FGF1: variants seen among roughly 807,000 people sequenced by gnomAD.
The protein encoded by FGF1 is fibroblast growth factor 1.
A neutral mutation model predicts 13.4 loss-of-function variants in FGF1; 9 were observed. The observed-to-expected ratio is 0.67, with a 90% CI of 0.40 to 1.17. FGF1 has a LOEUF of 1.17. FGF1 is among the 50% of genes most tolerant of loss of function. FGF1 has a pLI of 0.01. For synonymous variants in FGF1, 93 were observed against 79.0 expected, an observed-to-expected ratio of 1.18 and a Z score of -0.94; for missense variants, 156 against 192.7, an observed-to-expected ratio of 0.81 and a Z score of 1.13.
At chr5:142,601,602 C>G (rs1158304019) in intron 2 of FGF1, among the ~76,000 whole-genome samples, 13 of 151,990 alleles carry the variant, frequency 8.6e-5, no homozygotes, top group African/African-American at 2.9e-4. Flanking sequence ...AAGACAGTTT[C>G]TGTTGTCACA....
At chr5:142,655,156 G>T (rs1767928147) in intron 1 of FGF1, among the ~76,000 whole-genome samples, 1 of 152,196 alleles carries the variant, frequency 6.6e-6, no homozygotes. Flanking sequence ...GGATTAACTT[G>T]GTTCAACGTG....
At chr5:142,608,770 A>C (rs1490676729) in intron 2 of FGF1, among the ~76,000 whole-genome samples, 1 of 131,192 alleles carries the variant, frequency 7.6e-6, no homozygotes, top group East Asian at 2.2e-4. Context: ...CATATATATC[A>C]TATATATATA....
intron 1 of FGF1, among the ~76,000 whole-genome samples, chr5:142,681,751 G>A (rs1390502267): frequency 6.6e-6 from 1 of 152,166 alleles, no homozygotes; most frequent in East Asian, 1.9e-4. Context: ...TCTGCCACTT[G>A]GTGGCTGTGT....
chr5:142,638,091 C>T (rs1429096682), intron 1 of FGF1, among the ~76,000 whole-genome samples: 2 of 152,002 alleles, frequency 1.3e-5, no homozygotes, highest in Non-Finnish European at 2.9e-5. Flanking sequence ...AGCTTTCATT[C>T]CAGTCATTTC....
intron 1 of FGF1, chr5:142,627,017 A>G (rs1277839394): frequency 6.6e-6 from 1 of 152,226 alleles, no homozygotes; most frequent in Admixed American, 6.5e-5. Context: ...CGTTGCCATG[A>G]GAAAGGAATA....
chr5:142,662,039 A>AC (rs1195074848), intron 1 of FGF1, among the ~76,000 whole-genome samples: 6 of 151,948 alleles, frequency 3.9e-5, no homozygotes, highest in East Asian at 3.9e-4. Flanking sequence ...ACAAAAAAAA[A>AC]CCCACATATT....
At chr5:142,655,351 A>C (rs1767975129) in intron 1 of FGF1, among the ~76,000 whole-genome samples, 1 of 152,046 alleles carries the variant, frequency 6.6e-6, no homozygotes, top group South Asian at 2.1e-4. Flanking sequence ...CTCCCAGCAC[A>C]CTCCCCACCA....
At chr5:142,643,942 T>C (rs539770599) in intron 1 of FGF1, among the ~76,000 whole-genome samples, 6 of 152,362 alleles carry the variant, frequency 3.9e-5, no homozygotes, top group African/African-American at 1.4e-4. Flanking sequence ...AGTTGGCTAT[T>C]ATCATTATCC....
intron 2 of FGF1, among the ~76,000 whole-genome samples, chr5:142,610,399 C>T (rs536209388): frequency 2.0e-5 from 3 of 152,266 alleles, no homozygotes; most frequent in East Asian, 3.9e-4. Context: ...ATTAAATAAT[C>T]GCACAAATAA....
In FGF1 at chr5:142,608,569, TATATATATATATATACAC is replaced by T. The variant is rs1429059888; in HGVS notation, c.169+5372_169+5389del. 8.0e-3 allele frequency among the ~76,000 whole-genome samples: 722 copies of T among 90,028 alleles called. 10 individuals carry two copies. Among genetic ancestry groups the T allele is most frequent in the African/African-American group, 0.038 (667 of 17,534 alleles). The allele number at this position is 90,028 out of a possible 152,430, so 59.1% of individuals were successfully genotyped here. On this transcript the variant is annotated intron_variant, in intron 2 of 3. Transcript: ENST00000337706. ...ATATATATATATATATATATATATA[TATATATATATATATACAC>T]ACACACACACATATATGTAAATATA...
rs78769659 is a variant in FGF1, at chr5:142,611,205, A to C, written c.169+2754T>G. 6.8e-3 allele frequency among the ~76,000 whole-genome samples: 1,028 copies of C among 152,230 alleles called. 24 individuals are homozygous for C. In the East Asian group the frequency reaches 0.098, roughly 15 times the overall value. On this transcript the variant is annotated intron_variant, in intron 2 of 3. Coordinates refer to ENST00000337706, the MANE Select transcript of FGF1 (RefSeq NM_000800.5). Reference sequence around the variant, plus strand: ...GCCGAGGCAATTCTGTTTCTGAATAACCCTTGAAACTCAGAAGGGCTCTGG... The same window carrying C: ...GCCGAGGCAATTCTGTTTCTGAATACCCCTTGAAACTCAGAAGGGCTCTGG...
At chr5:142,672,834 C>A (rs2152031679) in intron 1 of FGF1, among the ~76,000 whole-genome samples, 1 of 152,204 alleles carries the variant, frequency 6.6e-6, no homozygotes. Flanking sequence ...TAACTAGCAA[C>A]CAAGGCAGAT....
At position 142,592,293 on chromosome 5, in the gene FGF1, G is replaced by A; in HGVS notation, c.*2997C>T. On this transcript the variant is annotated 3_prime_UTR_variant, in exon 4 of 4. Transcript: ENST00000337706. Reference sequence around the variant, plus strand: ...CAGAGGTCTGCTTTGCAGCCTGTGAGTTTAGTTGTCAGCAGTACACTCAAG... The same window carrying A: ...CAGAGGTCTGCTTTGCAGCCTGTGAATTTAGTTGTCAGCAGTACACTCAAG... 3 of 398,524 alleles carry A rather than the reference G, an allele frequency of 7.5e-6. No homozygotes were observed. The highest frequency in any genetic ancestry group is 8.9e-6 in the Non-Finnish European group (2 of 225,984). 24.7% of individuals were successfully genotyped at this position (398,524 alleles called of 1,614,324 possible). A position where few individuals can be genotyped will look rare whatever the true frequency, so the allele number is the denominator to read the frequency against.
At chr5:142,615,512 G>A (rs34011) in intron 1 of FGF1, among the ~76,000 whole-genome samples, 45,134 of 152,106 alleles carry the variant, frequency 0.3, 6,824 homozygotes, top group South Asian at 0.35. Flanking sequence ...GTAAGCCACC[G>A]CGCCCGGCCT....
chr5:142,608,737 C>CAT (rs1002614863), intron 2 of FGF1, among the ~76,000 whole-genome samples: 7 of 142,002 alleles, frequency 4.9e-5, no homozygotes, highest in Non-Finnish European at 9.1e-5. Context: ...ACATATATAT[C>CAT]ATATATATAT....
chr5:142,687,187 G>C (rs1751390774), upstream of FGF1, among the ~76,000 whole-genome samples: 1 of 152,114 alleles, frequency 6.6e-6, no homozygotes, highest in African/African-American at 2.4e-5. Flanking sequence ...GATGATTCAG[G>C]TAGAGAGGTA....
intron 1 of FGF1, among the ~76,000 whole-genome samples, chr5:142,644,470 C>T (rs1765690101): frequency 6.6e-6 from 1 of 152,090 alleles, no homozygotes; most frequent in African/African-American, 2.4e-5. Flanking sequence ...CTGGCTGGAC[C>T]ATTCCTGCAG....
At chr5:142,625,172 T>G (rs1313273647) in intron 1 of FGF1, among the ~76,000 whole-genome samples, 1 of 152,152 alleles carries the variant, frequency 6.6e-6, no homozygotes, top group African/African-American at 2.4e-5. Context: ...AAGCCATGTT[T>G]CAGATAAGAG....
intron 1 of FGF1, among the ~76,000 whole-genome samples, chr5:142,663,309 G>A (rs542658031): frequency 6.6e-6 from 1 of 152,094 alleles, no homozygotes; most frequent in East Asian, 1.9e-4. Context: ...TTACCAGTTA[G>A]GAAGGCTTTT....
Sources: allele counts gnomAD v4.1 joint callset (sites outside exome capture counted in the v4.1 genomes callset), GRCh38; gene constraint gnomAD v4.1.1; transcripts MANE v1.5; gene names NCBI Gene and HGNC (gene_info 2026-07-23, HGNC 2026-07-21).